BAIAP3: variants seen among roughly 807,000 people sequenced by gnomAD.
BAIAP3 encodes the protein BAI1 associated protein 3, also known as BAI1-associated protein 3.
Under a neutral mutation model 149.7 loss-of-function variants are expected in BAIAP3, and 180 were observed. The observed-to-expected ratio is 1.20, with a 90% CI of 1.07 to 1.36. The LOEUF (loss-of-function observed/expected upper bound fraction) is 1.36, where lower values mean the gene tolerates loss of function less well. BAIAP3 is among the 40% of genes most tolerant of loss of function. The pLI is 0.00. For missense variants in BAIAP3, 1,767 were observed against 1,563.4 expected, an observed-to-expected ratio of 1.13 and a Z score of -2.20; for synonymous variants, 845 against 670.7, an observed-to-expected ratio of 1.26 and a Z score of -4.02.
At position 1,346,560 on chromosome 16, in the gene BAIAP3, G is replaced by A. The variant is rs921314980; in HGVS notation, c.2563-45G>A. 5 of 1,580,060 alleles carry A rather than the reference G, an allele frequency of 3.2e-6. No individual in the cohort carries two copies. The African/African-American group carries it at 4.0e-5, about 13-fold the overall frequency. ...GGAGGACTGTGTGTACTGGGGGTAGGGCAGAGGTGCGGGGTAAGCCTGGCC... is the reference window on the plus strand; with the variant it reads ...GGAGGACTGTGTGTACTGGGGGTAGAGCAGAGGTGCGGGGTAAGCCTGGCC... On this transcript the variant is annotated intron_variant, in intron 26 of 33. Transcript: ENST00000426824.
rs769804176 is a variant in BAIAP3, at chr16:1,345,217, A to G, written c.1941-32A>G. ...ACGTGCTGGTTAAGGTGTCTGAGTC[A>G]GGGCCGAGCCCTCACAACCCTCCCA... is the stretch of plus-strand genomic sequence containing the variant. On this transcript the variant is annotated intron_variant, in intron 21 of 33. Transcript: ENST00000426824. The G allele has an allele frequency of 5.0e-6, 8 of 1,611,104 alleles. No homozygotes were observed. The Admixed American group carries it at 5.0e-5, about 10-fold the overall frequency.
intron 22 of BAIAP3, 102 bp from the exon 23 acceptor site, chr16:1,345,645 C>T (rs1406833530): frequency 5.4e-6 from 4 of 738,154 alleles, no homozygotes; most frequent in South Asian, 3.9e-5. Flanking sequence ...CCAGCCTCCC[C>T]GGCCTCCTCC....
In BAIAP3 at chr16:1,348,083, CCT is replaced by C. The variant is rs1326779772; in HGVS notation, c.3150-10_3150-9del. ...CTGCCGGAGCGAGACTCCCGACTGG[CCT>C]CTGTCCGCAGTTCCGTGCCTGCCGA... On this transcript the variant is annotated splice_polypyrimidine_tract_variant and intron_variant, in intron 32 of 33. Coordinates refer to ENST00000426824, the MANE Select transcript of BAIAP3 (RefSeq NM_001199097.2). 1 of 1,601,216 alleles carries C rather than the reference CCT, an allele frequency of 6.2e-7. No individual in the cohort carries two copies. Among genetic ancestry groups the C allele is most frequent in the African/African-American group, 1.3e-5 (1 of 74,972 alleles).
rs748012535 is a variant in BAIAP3 at position 1,346,035 on chromosome 16, T to C, written c.2258T>C (p.Val753Ala). The change falls in exon 24 of 34, where the codon GTG becomes GCG. Residue 753 changes from valine (V) to alanine (A), a missense_variant. Val to Ala is a moderately conservative substitution (Grantham distance 64, BLOSUM62 0). Transcript: ENST00000426824. ...LFYTELLRKK[V>A]DTQPGAAGEA... is the part of the protein sequence containing the mutation. ...TATACGGAGCTGCTTCGGAAGAAGG[T>C]GGACACTCAGCCAGGGGCGGCCGGT... 7 of 1,611,514 alleles carry C rather than the reference T, an allele frequency of 4.3e-6. No homozygotes were observed. In the African/African-American group the frequency reaches 8.0e-5, roughly 18 times the overall value.
chr16:1,345,163 G>T, intron 21 of BAIAP3, 64 bp downstream of exon 21: 1 of 1,610,566 alleles, frequency 6.2e-7, no homozygotes, highest in Admixed American at 1.7e-5. Flanking sequence ...GACCTGTGAG[G>T]GGGACGGTCC....
In BAIAP3 at chr16:1,345,712, C is replaced by T. The variant is rs989835088; in HGVS notation, c.2065-35C>T. On this transcript the variant is annotated intron_variant, in intron 22 of 33. Coordinates refer to ENST00000426824, the MANE Select transcript of BAIAP3 (RefSeq NM_001199097.2). ...CCCCCACCTCCCCAGCCTCCCCTGCCTCCCCAGCAAACCCAGCCTCCCCTG... is the reference window on the plus strand; with the variant it reads ...CCCCCACCTCCCCAGCCTCCCCTGCTTCCCCAGCAAACCCAGCCTCCCCTG... 2.6e-5 allele frequency: 40 copies of T among 1,514,100 alleles called. No homozygotes were observed. The African/African-American group carries it at 4.9e-4, about 18-fold the overall frequency. The allele number at this position is 1,514,100 out of a possible 1,614,324, so 93.8% of individuals were successfully genotyped here. A position where few individuals can be genotyped will look rare whatever the true frequency, so the allele number is the denominator to read the frequency against.
chr16:1,339,218 G>A lies in BAIAP3; in HGVS notation c.274G>A (p.Gly92Ser), dbSNP rs780384764. 3.8e-5 allele frequency: 60 copies of A among 1,564,992 alleles called. No homozygotes were observed. The highest frequency in any genetic ancestry group is 1.6e-4 in the South Asian group (14 of 85,554). ...APPEPVDPSL[G>S]LRALAPEEVE... is the part of the protein sequence containing the mutation. ...CCCGGAGCCTGTGGATCCCAGCCTC[G>A]GCCTGAGAGCCCTGGCCCCAGAGGA... Residue 92 changes from glycine (G) to serine (S), a missense_variant, in exon 4 of 34, where the codon GGC (glycine) becomes AGC (serine). Transcript: ENST00000426824.
At chr16:1,334,462 A>C in intron 1 of BAIAP3, 66 of 550,504 alleles carry the variant, frequency 1.2e-4, no homozygotes, top group Middle Eastern at 5.1e-4. Context: ...GAGGCGGGGC[A>C]GGGAGGGGGT....
chr16:1,345,355 G>C lies in BAIAP3; in HGVS notation c.2047G>C (p.Ala683Pro). The C allele has an allele frequency of 6.2e-7, 1 of 1,612,508 alleles. No individual in the cohort carries two copies. The highest frequency in any genetic ancestry group is 8.5e-7 in the Non-Finnish European group (1 of 1,179,744). Residue 683 changes from alanine to proline, a missense_variant, in exon 22 of 34, where the codon GCC becomes CCC. Physicochemically the swap from Ala to Pro is conservative, Grantham distance 27 (BLOSUM62 -1). Transcript: ENST00000426824. ...RDQAKWRLQG[A>P]VDMDTLEPVD... is the part of the protein sequence containing the mutation. ...CCAGGCCAAGTGGAGGCTTCAGGGA[G>C]CCGTGGACATGGACACGGTGACAGC...
At chr16:1,341,059 C>G (rs905022914) in intron 6 of BAIAP3, 70 bp from the exon 7 acceptor site, 114 of 1,611,194 alleles carry the variant, frequency 7.1e-5, no homozygotes, top group Non-Finnish European at 9.1e-5. Context: ...GCCCTGTCAC[C>G]TCCATGCTAA....
At chr16:1,333,959 G>T (rs983750376) in intron 1 of BAIAP3, among the ~76,000 whole-genome samples, 10 of 152,158 alleles carry the variant, frequency 6.6e-5, no homozygotes, top group Admixed American at 5.9e-4. Context: ...GAGGGGCGGG[G>T]TCTCGGGGGC....
chr16:1,343,207 G>A (rs2034054164), intron 14 of BAIAP3, 186 bp from the exon 15 acceptor site: 2 of 1,125,556 alleles, frequency 1.8e-6, no homozygotes, highest in Non-Finnish European at 2.5e-6. Flanking sequence ...GTGAGGCAGC[G>A]AAAGGGGCGG....
Position 1,347,542 on chromosome 16 carries a change from C to T in BAIAP3, c.2824-3C>T. ...GCCCCTCCTGATGCGCTTCCCCCTG[C>T]AGAGGCTGAAGGAGGAGCTGCGGCT... On this transcript the variant is annotated splice_region_variant and splice_polypyrimidine_tract_variant and intron_variant, in intron 29 of 33. Transcript: ENST00000426824. 1 of 1,604,362 alleles carries T rather than the reference C, an allele frequency of 6.2e-7. No individual in the cohort carries two copies. The highest frequency in any genetic ancestry group is 8.5e-7 in the Non-Finnish European group (1 of 1,176,310).
chr16:1,349,417 A>T lies in BAIAP3; in HGVS notation c.*935A>T, dbSNP rs1209986795. ...GATTTTCTCGTCACCCAGCCTCAAA[A>T]ATATATGTGTCTGCAACCCTCAGTC... On this transcript the variant is annotated 3_prime_UTR_variant, in exon 34 of 34. Coordinates refer to ENST00000426824, the MANE Select transcript of BAIAP3 (RefSeq NM_001199097.2). 1.9e-6 allele frequency: 3 copies of T among 1,613,484 alleles called. No homozygotes were observed. Among genetic ancestry groups the T allele is most frequent in the Admixed American group, 1.7e-5 (1 of 59,974 alleles).
Position 1,339,567 on chromosome 16 carries a change from G to T in BAIAP3, c.372G>T (p.Val124=), listed in dbSNP as rs144888270. The T allele has an allele frequency of 3.1e-6, 5 of 1,612,490 alleles. No homozygotes were observed. In the African/African-American group the frequency reaches 6.7e-5, roughly 22 times the overall value. The change falls in exon 5 of 34, where the codon GTG becomes GTT. Residue 124 remains valine (V), a synonymous_variant. Coordinates refer to ENST00000426824, the MANE Select transcript of BAIAP3 (RefSeq NM_001199097.2). ...CGGGTACCATGGGCCCTGACCAGGT[G>T]GACGACGAGGAGGCCCTGCTCAGCT... ...YRAGTMGPDQ[V]DDEEALLSYL...
chr16:1,346,705 A>G, intron 27 of BAIAP3, 21 bp downstream of exon 27: 3 of 889,588 alleles, frequency 3.4e-6, no homozygotes, highest in Non-Finnish European at 5.1e-6. Context: ...GTGGGGTGGG[A>G]TGGGCTGGGC....
At chr16:1,343,562 G>T (rs937235084) in intron 15 of BAIAP3, 49 bp downstream of exon 15, 1 of 1,595,748 alleles carries the variant, frequency 6.3e-7, no homozygotes, top group South Asian at 1.1e-5. Context: ...GGGAGTGCTG[G>T]GGACTGGGGT....
intron 2 of BAIAP3, 69 bp downstream of exon 2, chr16:1,338,749 C>A: frequency 6.4e-7 from 1 of 1,564,860 alleles, no homozygotes; most frequent in South Asian, 1.2e-5. Flanking sequence ...CACATGGCCG[C>A]CCCTGCCCCA....
chr16:1,347,866 AG>A (rs1181594363), intron 31 of BAIAP3, 27 bp from the exon 32 acceptor site: 4 of 1,493,530 alleles, frequency 2.7e-6, no homozygotes, highest in Non-Finnish European at 2.7e-6. Flanking sequence ...GGATGGGGGC[AG>A]GGGGGCTCAC....
Sources: gnomAD v4.1 joint callset for allele counts (sites outside exome capture counted in the v4.1 genomes callset) on GRCh38, gnomAD v4.1.1 for gene constraint, MANE v1.5 for transcripts, NCBI Gene and HGNC (gene_info 2026-07-23, HGNC 2026-07-21) for gene names.